PSME4: variants seen among roughly 807,000 people sequenced by gnomAD.
PSME4 encodes the protein proteasome activator subunit 4, also known as proteasome activator complex subunit 4.
In PSME4, 89 loss-of-function variants were observed where a neutral mutation model predicts 253.9. The observed-to-expected ratio is 0.35, with a 90% CI of 0.30 to 0.42. The LOEUF is 0.42. Among genes scored for constraint, PSME4 ranks in the 10% least tolerant of loss-of-function variants. The pLI is 1.00. For synonymous variants in PSME4, 851 were observed against 759.2 expected (o/e 1.12, Z -1.99); for missense variants, 2,014 against 2,195.2 (o/e 0.92, Z 1.65).
At position 53,895,091 on chromosome 2, in the gene PSME4, T is replaced by C; in HGVS notation, c.3843-15A>G. ...CAACCATATTCCTATATAGTAAGAGTTCATATTTATCATACGCATAGAAAA... is the reference window on the plus strand; with the variant it reads ...CAACCATATTCCTATATAGTAAGAGCTCATATTTATCATACGCATAGAAAA... On this transcript the variant is annotated splice_polypyrimidine_tract_variant and intron_variant, in intron 33 of 46. Coordinates refer to ENST00000404125, the MANE Select transcript of PSME4 (RefSeq NM_014614.3). 1 of 1,588,402 alleles carries C rather than the reference T, an allele frequency of 6.3e-7. No homozygotes were observed. The highest frequency in any genetic ancestry group is 8.5e-7 in the Non-Finnish European group (1 of 1,172,394).
rs1263933916 is a variant in PSME4, at chr2:53,901,227, T to TA, written c.3285+122dup. The TA allele has an allele frequency of 1.4e-5, 13 of 908,742 alleles. No homozygotes were observed. The African/African-American group carries it at 2.0e-4, about 14-fold the overall frequency. 56.3% of individuals were successfully genotyped at this position (908,742 alleles called of 1,614,324 possible). A position where few individuals can be genotyped will look rare whatever the true frequency, so the allele number is the denominator to read the frequency against. On this transcript the variant is annotated intron_variant, in intron 28 of 46. Transcript: ENST00000404125. The stretch of plus-strand genomic sequence containing the variant: ...AGCAAACAGGTAACAAACGCTTTTT[T>TA]AAAAAAACACTGGACTCAAATGCCA...
chr2:53,922,686 CCT>C lies in PSME4; in HGVS notation c.1979-104_1979-103del, dbSNP rs1668380945. 3.7e-6 allele frequency: 5 copies of C among 1,352,188 alleles called. No individual in the cohort carries two copies. The South Asian group carries it at 7.3e-5, about 20-fold the overall frequency. 83.8% of individuals were successfully genotyped at this position (1,352,188 alleles called of 1,614,324 possible). A position where few individuals can be genotyped will look rare whatever the true frequency, so the allele number is the denominator to read the frequency against. ...TAATATTTCCAATAGCTGAGGAAAA[CCT>C]CTTTTAGGAAGACTTTTTATTTCTT... On this transcript the variant is annotated intron_variant, in intron 16 of 46. Transcript: ENST00000404125.
intron 1 of PSME4, among the ~76,000 whole-genome samples, chr2:53,951,498 C>G (rs187040637): frequency 3.6e-4 from 55 of 152,316 alleles, no homozygotes; most frequent in African/African-American, 1.3e-3. Context: ...TGAATTTATT[C>G]AGCTCTTTTC....
chr2:53,877,219 T>C (rs1252734686), intron 41 of PSME4, among the ~76,000 whole-genome samples: 1 of 131,716 alleles, frequency 7.6e-6, no homozygotes, highest in East Asian at 2.1e-4. Context: ...GAGGCTGGCA[T>C]GGATAACAGA....
At chr2:53,942,518 A>G (rs1669500384) in intron 3 of PSME4, among the ~76,000 whole-genome samples, 1 of 152,146 alleles carries the variant, frequency 6.6e-6, no homozygotes, top group African/African-American at 2.4e-5. Flanking sequence ...CCTTAGAGTC[A>G]GACAGATCTT....
chr2:53,908,725 T>C (rs1667679670), intron 22 of PSME4, 59 bp downstream of exon 22: 7 of 1,487,194 alleles, frequency 4.7e-6, no homozygotes, highest in Non-Finnish European at 6.5e-6. Context: ...TGTTATAGAT[T>C]AAAATTCCAA....
At chr2:53,888,102 A>C in intron 38 of PSME4, 113 bp from the exon 39 acceptor site, 1 of 1,056,718 alleles carries the variant, frequency 9.5e-7, no homozygotes, top group Non-Finnish European at 1.3e-6. Flanking sequence ...TTTTTCACTT[A>C]ATAAATACTA....
chr2:53,877,291 A>AT (rs1679181586), intron 41 of PSME4, among the ~76,000 whole-genome samples: 1 of 151,044 alleles, frequency 6.6e-6, no homozygotes, highest in Non-Finnish European at 1.5e-5. Flanking sequence ...TTGGTGCCAC[A>AT]TGCCTATAGT....
At chr2:53,923,197 G>A (rs1172521655) in intron 15 of PSME4, 79 bp from the exon 16 acceptor site, 2 of 1,476,596 alleles carry the variant, frequency 1.4e-6, no homozygotes, top group Non-Finnish European at 1.8e-6. Flanking sequence ...GCAGTAAAAG[G>A]CTGTAAATAA....
intron 43 of PSME4, chr2:53,870,570 G>A (rs1447913826): frequency 6.6e-6 from 1 of 151,464 alleles, no homozygotes; most frequent in Non-Finnish European, 1.5e-5. Flanking sequence ...TAGAGATGGG[G>A]TTTCACCGTG....
At chr2:53,957,442 G>A (rs1332650595) in intron 1 of PSME4, among the ~76,000 whole-genome samples, 1 of 152,080 alleles carries the variant, frequency 6.6e-6, no homozygotes, top group African/African-American at 2.4e-5. Context: ...CAGATCATCA[G>A]GCACAAGATT....
intron 41 of PSME4, among the ~76,000 whole-genome samples, chr2:53,876,434 C>G (rs1005025219): frequency 1.9e-4 from 29 of 152,064 alleles, no homozygotes; most frequent in Admixed American, 1.9e-3. Context: ...AAAGGTCTGA[C>G]TTTATTGAAG....
intron 1 of PSME4, among the ~76,000 whole-genome samples, chr2:53,954,068 G>A (rs976099528): frequency 6.6e-6 from 1 of 152,154 alleles, no homozygotes. Flanking sequence ...GGTGGCTCAC[G>A]CCTGTAATCC....
Position 53,925,601 on chromosome 2 carries a change from C to T in PSME4, c.1747G>A (p.Glu583Lys). The change falls in exon 14 of 47, where the codon GAA becomes AAA. Residue 583 changes from glutamate (E) to lysine (K), a missense_variant. Around this residue, in one of 4 missense-constraint regions of PSME4, gnomAD observed 989 missense variants for 1,021.1 expected, o/e 0.97. Transcript: ENST00000404125. ...CTAAACGTAGAAGACAGACCTAATT[C>T]GACCAAACTCTCCAAGTGTGTCATT... is the stretch of plus-strand genomic sequence containing the variant. ...EKMTHLESLVELGLSSTFSTI... is the reference protein window; with the variant it reads ...EKMTHLESLVKLGLSSTFSTI... 1.9e-6 allele frequency: 3 copies of T among 1,609,904 alleles called. No homozygotes were observed. The highest frequency in any genetic ancestry group is 1.7e-5 in the Admixed American group (1 of 59,968).
intron 28 of PSME4, among the ~76,000 whole-genome samples, chr2:53,900,963 T>G (rs1461426870): frequency 6.6e-6 from 1 of 152,216 alleles, no homozygotes; most frequent in African/African-American, 2.4e-5. Flanking sequence ...ATCATTCAAT[T>G]TTAGTTTTCT....
intron 32 of PSME4, 126 bp from the exon 33 acceptor site, chr2:53,895,862 G>T (rs957235942): frequency 1.1e-5 from 9 of 828,920 alleles, no homozygotes; most frequent in Non-Finnish European, 1.6e-5. Context: ...ATAACATTAA[G>T]ATAACATATA....
chr2:53,895,436 A>G, intron 33 of PSME4, 147 bp downstream of exon 33: 1 of 819,858 alleles, frequency 1.2e-6, no homozygotes, highest in African/African-American at 1.7e-5. Flanking sequence ...GAGGCATAGC[A>G]TTGGCAGGAG....
chr2:53,911,465 T>C (rs1667824606), intron 20 of PSME4, among the ~76,000 whole-genome samples: 2 of 152,192 alleles, frequency 1.3e-5, no homozygotes, highest in Non-Finnish European at 1.5e-5. Flanking sequence ...CAAAATCTGT[T>C]AGTAAAAAAT....
At chr2:53,936,336 G>C (rs908510484) in intron 6 of PSME4, among the ~76,000 whole-genome samples, 175 bp from the exon 7 acceptor site, 1 of 151,740 alleles carries the variant, frequency 6.6e-6, no homozygotes, top group Non-Finnish European at 1.5e-5. Flanking sequence ...TTCATGTCAC[G>C]CATTTAAAAT....
Sources: allele counts gnomAD v4.1 joint callset (sites outside exome capture counted in the v4.1 genomes callset), GRCh38; gene constraint gnomAD v4.1.1; regional missense constraint gnomAD v4.1.1; transcripts MANE v1.5; gene names NCBI Gene and HGNC (gene_info 2026-07-23, HGNC 2026-07-21).